TNKS: variants seen among roughly 807,000 people sequenced by gnomAD.
TNKS encodes the protein tankyrase, also known as poly [ADP-ribose] polymerase tankyrase-1.
Under a neutral mutation model 135.8 loss-of-function variants are expected in TNKS, and 72 were observed. The observed-to-expected ratio is 0.53, with a 90% CI of 0.44 to 0.64. The LOEUF is 0.64. Among genes scored for constraint, TNKS ranks in the 30% least tolerant of loss-of-function variants. The pLI, the probability that TNKS is intolerant of heterozygous loss-of-function variation, is 0.00. For synonymous variants in TNKS, 849 were observed against 649.3 expected, an observed-to-expected ratio of 1.31 and a Z score of -4.68; for missense variants, 1,769 against 1,674.0, an observed-to-expected ratio of 1.06 and a Z score of -0.99.
chr8:9,730,758 A>C, intron 13 of TNKS, 132 bp from the exon 14 acceptor site: 1 of 1,067,240 alleles, frequency 9.4e-7, no homozygotes, highest in Non-Finnish European at 1.3e-6. Context: ...TGTATTGTCT[A>C]ATCTTTGGAA....
chr8:9,620,732 C>A lies in TNKS; in HGVS notation c.994+5055C>A, dbSNP rs1295261014. Among the ~76,000 whole-genome samples the A allele has an allele frequency of 2.0e-5, 3 of 152,214 alleles. No homozygotes were observed. The East Asian group carries it at 5.8e-4, about 29-fold the overall frequency. On this transcript the variant is annotated intron_variant, in intron 3 of 26. Coordinates refer to ENST00000310430, the MANE Select transcript of TNKS (RefSeq NM_003747.3). ...CTGAAACTGGAACACTTCCCCAGTT[C>A]ATCAGTTAAATCTCTAGTTCAAACG...
intron 25 of TNKS, among the ~76,000 whole-genome samples, chr8:9,769,592 A>T (rs1370128183): frequency 2.0e-5 from 3 of 149,940 alleles, no homozygotes; most frequent in Non-Finnish European, 4.4e-5. Flanking sequence ...CACCAGGCAA[A>T]ACTTACTGGC....
At chr8:9,681,963 A>G (rs1209453941) in intron 5 of TNKS, among the ~76,000 whole-genome samples, 2 of 152,144 alleles carry the variant, frequency 1.3e-5, no homozygotes, top group Admixed American at 1.3e-4. Flanking sequence ...CTACTTTCAT[A>G]GAAGGTTAAA....
rs766495015 is a variant in TNKS at position 9,556,110 on chromosome 8, C to T, written c.171C>T (p.Ala57=). The change falls in exon 1 of 27, where the codon GCC becomes GCT. Residue 57 remains alanine, a synonymous_variant. Transcript: ENST00000310430. ...CGGCCAGCGGCCTGGCCCCCTTCGC[C>T]TCCCCGCGGCACGGCCTAGCGCTGC... ...SPTASGLAPF[A]SPRHGLALPE... The T allele has an allele frequency of 5.0e-5, 80 of 1,600,918 alleles. No homozygotes were observed. Among genetic ancestry groups the T allele is most frequent in the Non-Finnish European group, 6.7e-5 (79 of 1,174,374 alleles).
chr8:9,567,096 C>T (rs955916390), intron 1 of TNKS, among the ~76,000 whole-genome samples: 2 of 152,192 alleles, frequency 1.3e-5, no homozygotes, highest in East Asian at 3.9e-4. Context: ...TTACTGCTTT[C>T]TCAAGTTGGT....
At chr8:9,580,015 G>A in intron 1 of TNKS, 144 bp from the exon 2 acceptor site, 1 of 664,498 alleles carries the variant, frequency 1.5e-6, no homozygotes, top group South Asian at 2.0e-5. Context: ...TTTGAATGAA[G>A]CTAATGTTTC....
intron 2 of TNKS, among the ~76,000 whole-genome samples, chr8:9,581,516 T>C (rs531860285): frequency 1.8e-4 from 28 of 152,304 alleles, no homozygotes; most frequent in African/African-American, 6.7e-4. Flanking sequence ...ACTTATAACA[T>C]CCTCTCTCTG....
chr8:9,556,929 G>T (rs1370169788), intron 1 of TNKS: 25 of 516,032 alleles, frequency 4.8e-5, no homozygotes, highest in Non-Finnish European at 7.1e-5. Flanking sequence ...GTTAGATTTG[G>T]ACAGCTTTAG....
chr8:9,661,353 C>G (rs1211661431), intron 3 of TNKS, among the ~76,000 whole-genome samples: 4 of 152,114 alleles, frequency 2.6e-5, no homozygotes, highest in African/African-American at 9.7e-5. Context: ...GCTACAGTAA[C>G]CAAAACAGCA....
intron 3 of TNKS, among the ~76,000 whole-genome samples, chr8:9,666,045 A>T (rs964294125): frequency 6.6e-6 from 1 of 152,080 alleles, no homozygotes; most frequent in Non-Finnish European, 1.5e-5. Context: ...TACCTAGGAG[A>T]ATCCTCATCT....
At chr8:9,770,358 C>G (rs368787912) in intron 26 of TNKS, 96 bp downstream of exon 26, 1 of 1,259,840 alleles carries the variant, frequency 7.9e-7, no homozygotes, top group South Asian at 1.5e-5. Flanking sequence ...AGTGAAATAT[C>G]CACCACACAG....
At chr8:9,598,981 A>G (rs1459786850) in intron 2 of TNKS, among the ~76,000 whole-genome samples, 6 of 151,478 alleles carry the variant, frequency 4.0e-5, no homozygotes, top group Admixed American at 2.0e-4. Context: ...TGTCTCATAA[A>G]CAGATTGGGA....
chr8:9,670,574 T>G (rs1232254377), intron 3 of TNKS, among the ~76,000 whole-genome samples: 2 of 152,148 alleles, frequency 1.3e-5, no homozygotes. Flanking sequence ...GAAATTGGAG[T>G]CATTCCTCCT....
intron 5 of TNKS, among the ~76,000 whole-genome samples, chr8:9,683,885 T>C (rs955466714): frequency 2.0e-5 from 3 of 151,996 alleles, no homozygotes; most frequent in Non-Finnish European, 4.4e-5. Context: ...TTTATATTGT[T>C]ACTATGCTTT....
chr8:9,630,884 A>T (rs904137839), intron 3 of TNKS, among the ~76,000 whole-genome samples: 1 of 152,238 alleles, frequency 6.6e-6, no homozygotes, highest in East Asian at 1.9e-4. Context: ...TCTTTAAAAA[A>T]ATTAAATAAT....
At chr8:9,758,458 T>C (rs962672796) in intron 20 of TNKS, among the ~76,000 whole-genome samples, 4 of 152,212 alleles carry the variant, frequency 2.6e-5, no homozygotes, top group Non-Finnish European at 4.4e-5. Context: ...AAGTATCTAA[T>C]TGGATAAATG....
intron 2 of TNKS, among the ~76,000 whole-genome samples, chr8:9,601,445 T>G (rs1360192876): frequency 6.6e-6 from 1 of 152,302 alleles, no homozygotes; most frequent in African/African-American, 2.4e-5. Context: ...TCTAGTTCCT[T>G]GGCCAAACTT....
intron 1 of TNKS, among the ~76,000 whole-genome samples, chr8:9,572,883 C>G (rs1236556297): frequency 6.6e-6 from 1 of 152,044 alleles, no homozygotes; most frequent in Non-Finnish European, 1.5e-5. Flanking sequence ...TTTTTTTAAA[C>G]TCATAGGTAT....
chr8:9,568,861 T>C (rs1797651239), intron 1 of TNKS, among the ~76,000 whole-genome samples: 2 of 152,228 alleles, frequency 1.3e-5, no homozygotes, highest in South Asian at 4.1e-4. Context: ...AGTTGCAACG[T>C]AGAATCTGAA....
Sources: gnomAD v4.1 joint callset for allele counts (sites outside exome capture counted in the v4.1 genomes callset) on GRCh38, gnomAD v4.1.1 for gene constraint, MANE v1.5 for transcripts, NCBI Gene and HGNC (gene_info 2026-07-23, HGNC 2026-07-21) for gene names.